The following TANC2 variants were observed in gnomAD, a reference collection of about 807,000 sequenced individuals.
TANC2 encodes tetratricopeptide repeat, ankyrin repeat and coiled-coil containing 2.
A neutral mutation model predicts 210.5 loss-of-function variants in TANC2; 26 were observed. That is an observed-to-expected ratio of 0.12 (90% CI 0.09 to 0.17). The LOEUF (loss-of-function observed/expected upper bound fraction) is 0.17, where lower values mean the gene tolerates loss of function less well. Among genes scored for constraint, TANC2 ranks in the 10% least tolerant of loss-of-function variants. The pLI, the probability that TANC2 is intolerant of heterozygous loss-of-function variation, is 1.00. For synonymous variants in TANC2, 931 were observed against 967.1 expected (o/e 0.96, Z 0.69); for missense variants, 2,129 against 2,608.9 (o/e 0.82, Z 4.01).
chr17:63,206,864 A>G (rs934831619), intron 7 of TANC2, among the ~76,000 whole-genome samples: 28 of 152,250 alleles, frequency 1.8e-4, no homozygotes, highest in African/African-American at 5.5e-4. Flanking sequence ...AAAAATGGCT[A>G]AAATAATTTT....
At chr17:63,426,249 C>T (rs143867193) in exon 28 of TANC2, 1,618 of 152,354 alleles carry the variant, frequency 0.011, 12 homozygotes, top group Non-Finnish European at 0.017. Flanking sequence ...AATTCCAGAC[C>T]GACCATCTAC....
chr17:63,268,207 A>T (rs915497137), intron 9 of TANC2, among the ~76,000 whole-genome samples: 3 of 152,236 alleles, frequency 2.0e-5, no homozygotes, highest in African/African-American at 7.2e-5. Flanking sequence ...TGCGGACCAG[A>T]TTCAGCCCTA....
chr17:63,390,989 T>A (rs2047952402), intron 17 of TANC2: 2 of 152,182 alleles, frequency 1.3e-5, no homozygotes, highest in Non-Finnish European at 2.9e-5. Flanking sequence ...CTCTTATCAG[T>A]TCTTACGTAC....
At chr17:63,107,812 G>T (rs1291044648) in intron 4 of TANC2, among the ~76,000 whole-genome samples, 5 of 151,572 alleles carry the variant, frequency 3.3e-5, no homozygotes, top group Non-Finnish European at 7.4e-5. Flanking sequence ...TAAGGGAAAG[G>T]GGTCACCAAC....
chr17:63,219,820 A>T (rs552713747), intron 7 of TANC2, among the ~76,000 whole-genome samples: 1 of 151,740 alleles, frequency 6.6e-6, no homozygotes, highest in East Asian at 1.9e-4. Flanking sequence ...AGCAAAAATT[A>T]AAAAAAAAGA....
chr17:63,081,739 T>G (rs1319688256), intron 3 of TANC2, among the ~76,000 whole-genome samples: 4 of 152,206 alleles, frequency 2.6e-5, no homozygotes, highest in African/African-American at 4.8e-5. Flanking sequence ...CCCAAGCACA[T>G]TTTGTATCAG....
Position 63,126,282 on chromosome 17 carries a change from C to T in TANC2, c.323-24988C>T, listed in dbSNP as rs543253061. Among the ~76,000 whole-genome samples, 201 of 152,294 alleles carry T rather than the reference C, an allele frequency of 1.3e-3. 2 individuals carry two copies. Among genetic ancestry groups the T allele is most frequent in the African/African-American group, 4.5e-3 (188 of 41,554 alleles). ...CTGAATAAATCAATAAAACATCCTG[C>T]ACTTACCTAGAGCTTCAATAATATT... On this transcript the variant is annotated intron_variant, in intron 4 of 27. Coordinates refer to ENST00000689528, the Ensembl canonical transcript of TANC2.
At chr17:63,247,255 T>C (rs970931237) in intron 8 of TANC2, among the ~76,000 whole-genome samples, 11 of 152,082 alleles carry the variant, frequency 7.2e-5, no homozygotes, top group African/African-American at 2.4e-4. Flanking sequence ...TTAGGAAATA[T>C]AAAAATGTCA....
intron 8 of TANC2, among the ~76,000 whole-genome samples, chr17:63,244,333 G>A (rs530142806): frequency 1.3e-5 from 2 of 152,140 alleles, no homozygotes; most frequent in Admixed American, 6.6e-5. Flanking sequence ...TTTGTCTTCA[G>A]GATTGTACTG....
chr17:63,098,941 A>AT (rs1285556800), intron 3 of TANC2, among the ~76,000 whole-genome samples: 4 of 152,224 alleles, frequency 2.6e-5, no homozygotes, highest in African/African-American at 7.2e-5. Context: ...TGCATCTCTC[A>AT]TGAGATAGTG....
chr17:63,314,156 TTAA>T (rs1471536276), intron 9 of TANC2, among the ~76,000 whole-genome samples: 1 of 152,246 alleles, frequency 6.6e-6, no homozygotes, highest in Non-Finnish European at 1.5e-5. Context: ...AAGTAAATCA[TTAA>T]TGTTTTATCA....
chr17:63,305,973 G>A (rs529740859), intron 9 of TANC2, among the ~76,000 whole-genome samples: 8 of 152,358 alleles, frequency 5.3e-5, no homozygotes, highest in African/African-American at 9.6e-5. Flanking sequence ...ACAGAAAGCC[G>A]TCAGAACCTG....
At chr17:63,036,526 C>G (rs543022872) in intron 2 of TANC2, among the ~76,000 whole-genome samples, 203 of 152,242 alleles carry the variant, frequency 1.3e-3, no homozygotes, top group South Asian at 2.5e-3. Context: ...TAGAGTAAGT[C>G]TTAAAATAGG....
rs1269676878 is a variant in TANC2 at position 63,216,871 on chromosome 17, A to G, written c.769+15914A>G. Among the ~76,000 whole-genome samples the G allele has an allele frequency of 2.0e-5, 3 of 152,236 alleles. No homozygotes were observed. In the East Asian group the frequency reaches 5.8e-4, roughly 29 times the overall value. On this transcript the variant is annotated intron_variant, in intron 7 of 27. Coordinates refer to ENST00000689528, the Ensembl canonical transcript of TANC2. Reference sequence around the variant, plus strand: ...CAATAAACTTAAGTGGACTCAAACTAAACAATGTTCTCTGACCACAGCATG... The same window carrying G: ...CAATAAACTTAAGTGGACTCAAACTGAACAATGTTCTCTGACCACAGCATG...
chr17:63,012,592 C>T (rs189734252), intron 2 of TANC2, among the ~76,000 whole-genome samples: 2 of 152,270 alleles, frequency 1.3e-5, no homozygotes, highest in East Asian at 3.9e-4. Flanking sequence ...ATTTTCATTC[C>T]TTCCTGCACC....
chr17:63,282,278 G>A (rs1477004105), intron 9 of TANC2, among the ~76,000 whole-genome samples: 2 of 151,674 alleles, frequency 1.3e-5, no homozygotes, highest in Non-Finnish European at 2.9e-5. Context: ...ACTAATATCA[G>A]GAATGAAAGA....
At chr17:63,427,217 G>A (rs2049166764) in exon 28 of TANC2, 1 of 152,234 alleles carries the variant, frequency 6.6e-6, no homozygotes, top group South Asian at 2.1e-4. Context: ...CCAAATCCAA[G>A]ATGATTTTAA....
chr17:63,415,848 G>C (rs1408973604), intron 26 of TANC2, among the ~76,000 whole-genome samples, 174 bp downstream of exon 26: 1 of 152,056 alleles, frequency 6.6e-6, no homozygotes, highest in Non-Finnish European at 1.5e-5. Context: ...AGTACAATCT[G>C]TATCTCAAAC....
intron 15 of TANC2, 70 bp from the exon 16 acceptor site, chr17:63,388,565 C>A: frequency 1.3e-6 from 2 of 1,487,328 alleles, no homozygotes; most frequent in South Asian, 2.5e-5. Flanking sequence ...ACAAAGAGGC[C>A]ACTAATTCAC....
Sources: allele counts gnomAD v4.1 joint callset (sites outside exome capture counted in the v4.1 genomes callset), GRCh38; gene constraint gnomAD v4.1.1; transcripts MANE v1.5; gene names NCBI Gene and HGNC (gene_info 2026-07-23, HGNC 2026-07-21).